The following POLR3B variants were observed in gnomAD, a reference collection of about 807,000 sequenced individuals.
POLR3B encodes the protein DNA-directed RNA polymerase III subunit RPC2.
POLR3B carries 96 observed loss-of-function variants against 147.4 expected under a neutral mutation model. The observed-to-expected ratio is 0.65, with a 90% CI of 0.55 to 0.77. The LOEUF (loss-of-function observed/expected upper bound fraction) is 0.77, where lower values mean the gene tolerates loss of function less well. POLR3B is among the 30% of genes least tolerant of loss of function. The pLI is 0.00. For missense variants in POLR3B, 1,036 were observed against 1,413.5 expected, an observed-to-expected ratio of 0.73 and a Z score of 4.28; for synonymous variants, 461 against 485.9, an observed-to-expected ratio of 0.95 and a Z score of 0.67.
intron 23 of POLR3B, among the ~76,000 whole-genome samples, chr12:106,466,527 A>T (rs891810627): frequency 6.6e-6 from 1 of 152,126 alleles, no homozygotes; most frequent in Non-Finnish European, 1.5e-5. Context: ...AAGTCTGCCC[A>T]TGTCTATGTC....
chr12:106,416,843 C>T (rs2037310447), intron 12 of POLR3B, among the ~76,000 whole-genome samples: 1 of 152,092 alleles, frequency 6.6e-6, no homozygotes, highest in Non-Finnish European at 1.5e-5. Flanking sequence ...AAGTGAGGCA[C>T]TTACATCTTC....
intron 23 of POLR3B, among the ~76,000 whole-genome samples, chr12:106,465,257 G>A (rs540339328): frequency 1.3e-5 from 2 of 152,176 alleles, no homozygotes; most frequent in South Asian, 4.2e-4. Flanking sequence ...CTCCTACTTG[G>A]ACAAGAGCAA....
In POLR3B at chr12:106,369,264, T is replaced by C; in HGVS notation, c.228-11T>C. The C allele has an allele frequency of 1.3e-6, 2 of 1,496,348 alleles. No individual in the cohort carries two copies. Among genetic ancestry groups the C allele is most frequent in the Non-Finnish European group, 1.9e-6 (2 of 1,072,776 alleles). 92.7% of individuals were successfully genotyped at this position (1,496,348 alleles called of 1,614,324 possible). A position where few individuals can be genotyped will look rare whatever the true frequency, so the allele number is the denominator to read the frequency against. On this transcript the variant is annotated splice_polypyrimidine_tract_variant and intron_variant, in intron 4 of 27. Transcript: ENST00000228347. ...GAAGTATAATTCATACCGCACTAAT[T>C]TGCTTTTCAGATATCTTAATATCTA...
At chr12:106,383,543 A>G (rs1035186733) in intron 9 of POLR3B, among the ~76,000 whole-genome samples, 4 of 152,106 alleles carry the variant, frequency 2.6e-5, no homozygotes, top group African/African-American at 7.2e-5. Context: ...CTCAAGGAAT[A>G]AGGAGGCTCA....
intron 23 of POLR3B, among the ~76,000 whole-genome samples, chr12:106,478,208 A>G (rs755697202): frequency 6.6e-6 from 1 of 152,016 alleles, no homozygotes; most frequent in Non-Finnish European, 1.5e-5. Context: ...TGCCCGGCCA[A>G]AGCAGTGCTT....
At chr12:106,459,397 G>A in intron 22 of POLR3B, 29 bp downstream of exon 22, 1 of 1,156,624 alleles carries the variant, frequency 8.6e-7, no homozygotes, top group Non-Finnish European at 1.3e-6. Context: ...CTGGTAATAT[G>A]TAGAAAGGTT....
chr12:106,395,660 A>G (rs926094035), intron 10 of POLR3B, among the ~76,000 whole-genome samples: 29 of 152,148 alleles, frequency 1.9e-4, no homozygotes, highest in African/African-American at 7.0e-4. Context: ...GTGGCACTTT[A>G]ATGGATTGCT....
intron 21 of POLR3B, 83 bp downstream of exon 21, chr12:106,457,379 AGGG>A: frequency 8.3e-7 from 1 of 1,205,614 alleles, no homozygotes. Context: ...TTTGGCAAAA[AGGG>A]CAGAAAAAAG....
chr12:106,358,094 T>G (rs1417565080), intron 1 of POLR3B, 143 bp downstream of exon 1: 1 of 1,519,562 alleles, frequency 6.6e-7, no homozygotes, highest in Non-Finnish European at 8.8e-7. Flanking sequence ...AGCGTCGCGC[T>G]TGCGAGTCTT....
chr12:106,395,023 A>G (rs1378689043), intron 10 of POLR3B, among the ~76,000 whole-genome samples: 1 of 152,198 alleles, frequency 6.6e-6, no homozygotes, highest in Admixed American at 6.5e-5. Flanking sequence ...GCTATAAAGA[A>G]ACACCGAATC....
intron 12 of POLR3B, among the ~76,000 whole-genome samples, chr12:106,412,416 T>C (rs2037240380): frequency 6.6e-6 from 1 of 152,216 alleles, no homozygotes; most frequent in Non-Finnish European, 1.5e-5. Context: ...CTTTTTCTTT[T>C]GGTTCTTCAA....
At chr12:106,373,113 A>G (rs1039847450) in intron 6 of POLR3B, among the ~76,000 whole-genome samples, 10 of 152,090 alleles carry the variant, frequency 6.6e-5, no homozygotes, top group Admixed American at 6.5e-5. Flanking sequence ...AGACTTGTTA[A>G]TTGTGTTGTT....
In POLR3B at chr12:106,504,689, CAGAGCCA is replaced by C. The variant is rs1342473517; in HGVS notation, c.3272+446_3272+452del. On this transcript the variant is annotated intron_variant, in intron 27 of 27. Transcript: ENST00000228347. The surrounding 1 kb of genome is among the most constrained non-coding windows in gnomAD (Gnocchi z 4.6). ...CCCAGGTCTTATAGCAAATTGGTGA[CAGAGCCA>C]AGAGCCAAGACCAAGACGACCTGGT... Among the ~76,000 whole-genome samples, 3 of 152,198 alleles carry C rather than the reference CAGAGCCA, an allele frequency of 2.0e-5. No individual in the cohort carries two copies. The highest frequency in any genetic ancestry group is 4.4e-5 in the Non-Finnish European group (3 of 68,034).
intron 12 of POLR3B, 69 bp downstream of exon 12, chr12:106,411,029 TAAG>T (rs1565888158): frequency 9.7e-6 from 14 of 1,445,624 alleles, no homozygotes; most frequent in Non-Finnish European, 1.4e-5. Context: ...TCATTTCACA[TAAG>T]AAGAAACATT....
chr12:106,437,881 G>A, intron 18 of POLR3B, 102 bp downstream of exon 18: 1 of 736,728 alleles, frequency 1.4e-6, no homozygotes, highest in Non-Finnish European at 2.4e-6. Context: ...TTACTCTTTT[G>A]ACAGGAACTG....
chr12:106,405,539 TAC>T (rs71072675), intron 10 of POLR3B, among the ~76,000 whole-genome samples: 11,548 of 142,650 alleles, frequency 0.081, 744 homozygotes, highest in African/African-American at 0.19. Flanking sequence ...GCTATATGTC[TAC>T]ACACACACAC....
At chr12:106,461,573 C>G (rs2037936111) in intron 22 of POLR3B, among the ~76,000 whole-genome samples, 1 of 152,142 alleles carries the variant, frequency 6.6e-6, no homozygotes, top group African/African-American at 2.4e-5. Context: ...ACTCTTTGAT[C>G]GGAATCTTCT....
chr12:106,496,488 T>C (rs2038487948), intron 24 of POLR3B: 1 of 598,964 alleles, frequency 1.7e-6, no homozygotes, highest in Non-Finnish European at 3.0e-6. Context: ...GCTCCACCTC[T>C]TACCAGCTGT....
At chr12:106,382,334 T>C (rs571504263) in intron 9 of POLR3B, among the ~76,000 whole-genome samples, 3 of 152,228 alleles carry the variant, frequency 2.0e-5, no homozygotes, top group Non-Finnish European at 4.4e-5. Flanking sequence ...TGAATAGGAA[T>C]GATGATATTC....
Sources: allele counts gnomAD v4.1 joint callset (sites outside exome capture counted in the v4.1 genomes callset), GRCh38; gene constraint gnomAD v4.1.1; non-coding constraint Gnocchi (gnomAD v3.1); transcripts MANE v1.5; gene names NCBI Gene and HGNC (gene_info 2026-07-23, HGNC 2026-07-21).